The following RBFOX1 variants were observed in gnomAD, a reference collection of about 807,000 sequenced individuals.
RBFOX1 encodes the protein RNA binding fox-1 homolog 1.
RBFOX1 carries 8 observed loss-of-function variants against 57.7 expected under a neutral mutation model. The observed-to-expected ratio is 0.14, with a 90% CI of 0.08 to 0.25. The LOEUF is 0.25. RBFOX1 is among the 10% of genes least tolerant of loss of function. The probability of loss-of-function intolerance (pLI) is 1.00; values close to 1 mark genes in which losing one functional copy is unlikely to be tolerated. For synonymous variants in RBFOX1, 326 were observed against 222.4 expected (o/e 1.47, Z -4.15); for missense variants, 611 against 548.5 (o/e 1.11, Z -1.14).
At chr16:6,874,535 AAAATG>A (rs1333375235) in intron 3 of RBFOX1, among the ~76,000 whole-genome samples, 15 of 125,062 alleles carry the variant, frequency 1.2e-4, no homozygotes, top group African/African-American at 3.9e-4. Context: ...AAAAAAAAAA[AAAATG>A]AAATAATGGC....
chr16:7,709,751 G>A (rs1400879167), intron 15 of RBFOX1: 1 of 208,768 alleles, frequency 4.8e-6, no homozygotes, highest in Non-Finnish European at 7.4e-6. Context: ...TGTTTTGGGA[G>A]GGGGTGGGGG....
At chr16:5,678,178 A>T (rs765309174) in intron 3 of RBFOX1, among the ~76,000 whole-genome samples, 2 of 152,132 alleles carry the variant, frequency 1.3e-5, no homozygotes, top group South Asian at 2.1e-4. Context: ...TCCTTCTGGG[A>T]CACTGGCTCT....
chr16:7,365,677 G>C (rs1239144842), intron 4 of RBFOX1, among the ~76,000 whole-genome samples: 1 of 152,124 alleles, frequency 6.6e-6, no homozygotes, highest in Non-Finnish European at 1.5e-5. Context: ...CACAGTAAAG[G>C]TACTTTACTT....
At chr16:6,218,095 C>G (rs915187154) in intron 1 of RBFOX1, among the ~76,000 whole-genome samples, 32 of 152,146 alleles carry the variant, frequency 2.1e-4, no homozygotes, top group African/African-American at 7.2e-4. Flanking sequence ...GGAATGTGTC[C>G]TTCCCTTTGG....
chr16:6,202,146 C>A (rs765604665), intron 1 of RBFOX1, among the ~76,000 whole-genome samples: 1 of 152,148 alleles, frequency 6.6e-6, no homozygotes, highest in African/African-American at 2.4e-5. Context: ...CAGTTTCTAA[C>A]GGAGCAACTT....
intron 4 of RBFOX1, among the ~76,000 whole-genome samples, chr16:5,984,077 C>CCCTCCTCCTCCTCCCTCCCCCTCCCCCT: frequency 2.2e-5 from 1 of 46,494 alleles, no homozygotes; most frequent in African/African-American, 1.2e-4. Flanking sequence ...CTCCCACTCC[C>CCCTCCTCCTCCTCCCTCCCCCTCCCCCT]CCTCCTCCTC....
rs942696800 is a variant in RBFOX1 at position 5,920,410 on chromosome 16, G to A, written c.351+53075G>A. On this transcript the variant is annotated intron_variant, in intron 4 of 19. Coordinates refer to the RBFOX1 transcript ENST00000641259. ...TGGATTGTTTAGAGCTGCTCTTAGC[G>A]TTTGTGTACAAGGGTCTGTTTGGGG... Among the ~76,000 whole-genome samples the A allele has an allele frequency of 2.6e-5, 4 of 152,106 alleles. No homozygotes were observed. In the East Asian group the frequency reaches 5.8e-4, roughly 22 times the overall value.
chr16:7,431,203 T>C (rs1368098769), intron 4 of RBFOX1: 1 of 152,166 alleles, frequency 6.6e-6, no homozygotes, highest in East Asian at 1.9e-4. Context: ...AGGGATCCTA[T>C]TTTTTACATG....
chr16:5,490,532 G>A (rs996033454), intron 2 of RBFOX1, among the ~76,000 whole-genome samples: 1 of 152,230 alleles, frequency 6.6e-6, no homozygotes, highest in Non-Finnish European at 1.5e-5. Context: ...CTTTGGGATA[G>A]CTGAGAGCTT....
intron 4 of RBFOX1, among the ~76,000 whole-genome samples, chr16:7,487,684 C>CA (rs765452649): frequency 1.5e-4 from 23 of 152,212 alleles, no homozygotes; most frequent in Non-Finnish European, 2.8e-4. Flanking sequence ...CAGACACTCA[C>CA]ACACACACAT....
intron 4 of RBFOX1, among the ~76,000 whole-genome samples, chr16:7,503,020 C>T (rs1280894288): frequency 5.3e-5 from 8 of 151,946 alleles, no homozygotes; most frequent in Non-Finnish European, 8.8e-5. Flanking sequence ...AAGACTCTGT[C>T]TCAAAAAAAA....
chr16:6,379,410 G>A (rs938040684), intron 2 of RBFOX1, among the ~76,000 whole-genome samples: 4 of 151,868 alleles, frequency 2.6e-5, no homozygotes, highest in African/African-American at 4.8e-5. Flanking sequence ...AATGGCCCCC[G>A]CCCCCCTACT....
intron 4 of RBFOX1, among the ~76,000 whole-genome samples, chr16:7,129,789 C>T (rs2069701822): frequency 9.2e-6 from 1 of 108,792 alleles, no homozygotes. Flanking sequence ...ACATTTATCA[C>T]ACTGAAAAAA....
intron 3 of RBFOX1, among the ~76,000 whole-genome samples, chr16:5,643,917 A>C (rs555619025): frequency 6.6e-6 from 1 of 152,242 alleles, no homozygotes; most frequent in African/African-American, 2.4e-5. Flanking sequence ...TTCCCTCTGT[A>C]ACAATGACAT....
chr16:6,803,831 A>AT (rs1046844212), intron 3 of RBFOX1, among the ~76,000 whole-genome samples: 3 of 152,034 alleles, frequency 2.0e-5, no homozygotes, highest in African/African-American at 7.3e-5. Flanking sequence ...TACATTTCTA[A>AT]TTTTTTCCTA....
chr16:5,855,174 G>T (rs1171728785), intron 3 of RBFOX1, among the ~76,000 whole-genome samples: 1 of 152,076 alleles, frequency 6.6e-6, no homozygotes, highest in Non-Finnish European at 1.5e-5. Context: ...CACTCCGTAG[G>T]TTGCTATTTT....
At chr16:7,135,861 A>G (rs1600601804) in intron 4 of RBFOX1, among the ~76,000 whole-genome samples, 1 of 152,234 alleles carries the variant, frequency 6.6e-6, no homozygotes, top group Admixed American at 6.5e-5. Flanking sequence ...TGGATCTAGA[A>G]TAATTCAAAG....
At chr16:5,450,703 G>A (rs79487041) in intron 1 of RBFOX1, among the ~76,000 whole-genome samples, 1,900 of 152,260 alleles carry the variant, frequency 0.012, 56 homozygotes, top group African/African-American at 0.043. Flanking sequence ...CCACCGCTCC[G>A]TGCTGGAATT....
chr16:7,199,909 A>AC (rs1555560986), intron 4 of RBFOX1, among the ~76,000 whole-genome samples: 18 of 151,936 alleles, frequency 1.2e-4, no homozygotes, highest in African/African-American at 2.9e-4. Context: ...AAACAAAACA[A>AC]AACAACAACA....
Sources: gnomAD v4.1 joint callset for allele counts (sites outside exome capture counted in the v4.1 genomes callset) on GRCh38, gnomAD v4.1.1 for gene constraint, MANE v1.5 for transcripts, NCBI Gene and HGNC (gene_info 2026-07-23, HGNC 2026-07-21) for gene names.